SLC25A26: variants seen among roughly 807,000 people sequenced by gnomAD.
The protein encoded by SLC25A26 is solute carrier family 25 member 26, also known as mitochondrial S-adenosylmethionine carrier protein.
SLC25A26 carries 36 observed loss-of-function variants against 37.8 expected under a neutral mutation model. The observed-to-expected ratio is 0.95, with a 90% CI of 0.73 to 1.26. The LOEUF (loss-of-function observed/expected upper bound fraction) is 1.26. Among genes scored for constraint, SLC25A26 ranks in the 50% most tolerant of loss-of-function variants. SLC25A26 has a pLI of 0.00. For missense variants in SLC25A26, 390 were observed against 331.1 expected, an observed-to-expected ratio of 1.18 and a Z score of -1.38; for synonymous variants, 129 against 122.5, an observed-to-expected ratio of 1.05 and a Z score of -0.35.
chr3:66,228,029 C>G (rs1238049114), intron 1 of SLC25A26, among the ~76,000 whole-genome samples: 1 of 152,180 alleles, frequency 6.6e-6, no homozygotes, highest in Non-Finnish European at 1.5e-5. Flanking sequence ...TTATGCTTCT[C>G]TTTCTCAGGA....
chr3:66,304,246 C>A (rs1432163119), intron 5 of SLC25A26, among the ~76,000 whole-genome samples: 1 of 152,168 alleles, frequency 6.6e-6, no homozygotes, highest in Non-Finnish European at 1.5e-5. Flanking sequence ...ACGGTCCCAT[C>A]CACACTGGAT....
At chr3:66,211,664 G>GA (rs1275954694) in intron 1 of SLC25A26, among the ~76,000 whole-genome samples, 1 of 152,012 alleles carries the variant, frequency 6.6e-6, no homozygotes, top group Admixed American at 6.6e-5. Flanking sequence ...ATTAAAAATA[G>GA]AAAAAAAGTA....
chr3:66,300,296 A>G (rs1230048756), intron 5 of SLC25A26, among the ~76,000 whole-genome samples: 1 of 134,162 alleles, frequency 7.5e-6, no homozygotes, highest in Admixed American at 8.1e-5. Flanking sequence ...GAATTTAGCC[A>G]TTACCAATAT....
At chr3:66,286,577 CTTTA>C (rs2074520586) in intron 5 of SLC25A26, among the ~76,000 whole-genome samples, 1 of 151,986 alleles carries the variant, frequency 6.6e-6, no homozygotes, top group Non-Finnish European at 1.5e-5. Context: ...CAAGCAATGT[CTTTA>C]TTTTTCTTTA....
At chr3:66,186,635 G>A (rs1000220939) in intron 1 of SLC25A26, among the ~76,000 whole-genome samples, 6 of 151,846 alleles carry the variant, frequency 4.0e-5, no homozygotes, top group African/African-American at 1.4e-4. Context: ...AAAACAATTG[G>A]GACCCTCACC....
intron 5 of SLC25A26, among the ~76,000 whole-genome samples, chr3:66,265,032 G>A (rs1200615674): frequency 6.6e-6 from 1 of 152,268 alleles, no homozygotes; most frequent in Non-Finnish European, 1.5e-5. Flanking sequence ...CATGGTATGG[G>A]CCAGGCATGG....
chr3:66,275,483 T>C (rs563718455), intron 5 of SLC25A26, among the ~76,000 whole-genome samples: 2 of 152,208 alleles, frequency 1.3e-5, no homozygotes, highest in South Asian at 4.1e-4. Context: ...TCCCGTTTTG[T>C]TCCCTACTAT....
intron 1 of SLC25A26, among the ~76,000 whole-genome samples, chr3:66,189,304 C>A (rs911976553): frequency 0.36 from 54,788 of 151,468 alleles, 10,950 homozygotes; most frequent in East Asian, 0.57. Context: ...CTATCACTAA[C>A]CCCCTCACTG....
chr3:66,185,319 T>A (rs2070805036), intron 1 of SLC25A26, among the ~76,000 whole-genome samples: 1 of 152,228 alleles, frequency 6.6e-6, no homozygotes, highest in Non-Finnish European at 1.5e-5. Flanking sequence ...TAATATTCGG[T>A]ATATACCACA....
At chr3:66,313,543 T>C (rs1349865037) in intron 5 of SLC25A26, among the ~76,000 whole-genome samples, 1 of 152,194 alleles carries the variant, frequency 6.6e-6, no homozygotes, top group Non-Finnish European at 1.5e-5. Flanking sequence ...TATTTTGAAG[T>C]CCAGTAGCAT....
At chr3:66,315,638 G>C (rs2075517198) in intron 5 of SLC25A26, among the ~76,000 whole-genome samples, 1 of 152,110 alleles carries the variant, frequency 6.6e-6, no homozygotes, top group South Asian at 2.1e-4. Flanking sequence ...AGGTCCACTT[G>C]ATCCAGAGCT....
At chr3:66,149,827 C>A (rs2070173918) in intron 1 of SLC25A26, among the ~76,000 whole-genome samples, 1 of 152,154 alleles carries the variant, frequency 6.6e-6, no homozygotes, top group South Asian at 2.1e-4. Flanking sequence ...GTCTGAGGCA[C>A]ACTGCAAGTC....
At chr3:66,306,359 A>G (rs1344748629) in intron 5 of SLC25A26, among the ~76,000 whole-genome samples, 2 of 137,634 alleles carry the variant, frequency 1.5e-5, no homozygotes, top group Non-Finnish European at 3.0e-5. Flanking sequence ...TCATTTCTCT[A>G]ATCAGTGATG....
In SLC25A26 at chr3:66,344,085, C is replaced by G. The variant is rs538050877; in HGVS notation, c.454-2279C>G. 8.5e-5 allele frequency among the ~76,000 whole-genome samples: 13 copies of G among 152,310 alleles called. No homozygotes were observed. The East Asian group carries it at 2.5e-3, about 29-fold the overall frequency. On this transcript the variant is annotated intron_variant, in intron 5 of 9. Coordinates refer to ENST00000354883, the MANE Select transcript of SLC25A26 (RefSeq NM_001379210.1). ...CTTTTCTTCTCATTGACATTTCCTT[C>G]CTGAATGGTAGACAGATTTTCTTTC...
At chr3:66,273,351 G>A (rs1277035866) in intron 5 of SLC25A26, among the ~76,000 whole-genome samples, 1 of 152,126 alleles carries the variant, frequency 6.6e-6, no homozygotes, top group East Asian at 1.9e-4. Context: ...GATTGGAATA[G>A]TTTCAGAAGG....
intron 1 of SLC25A26, among the ~76,000 whole-genome samples, chr3:66,151,600 T>C (rs2070209872): frequency 6.6e-6 from 1 of 152,226 alleles, no homozygotes; most frequent in Non-Finnish European, 1.5e-5. Flanking sequence ...CTCTCTGTTC[T>C]TGTGGCAGCT....
At chr3:66,230,823 A>AC (rs1559594628) in intron 1 of SLC25A26, among the ~76,000 whole-genome samples, 2 of 149,798 alleles carry the variant, frequency 1.3e-5, no homozygotes, top group African/African-American at 2.5e-5. Flanking sequence ...AAAAAAACAA[A>AC]AAAAAACCAG....
chr3:66,350,377 GAT>G (rs1447100227), intron 6 of SLC25A26, among the ~76,000 whole-genome samples: 1 of 152,128 alleles, frequency 6.6e-6, no homozygotes, highest in Non-Finnish European at 1.5e-5. Context: ...TCAAGTCTCA[GAT>G]TAAAATTTGA....
chr3:66,373,070 C>T (rs754753279), intron 9 of SLC25A26, among the ~76,000 whole-genome samples: 3 of 152,200 alleles, frequency 2.0e-5, no homozygotes, highest in Admixed American at 6.5e-5. Flanking sequence ...ACAAACACCG[C>T]GTGTTCATTC....
Sources: gnomAD v4.1 joint callset for allele counts (sites outside exome capture counted in the v4.1 genomes callset) on GRCh38, gnomAD v4.1.1 for gene constraint, MANE v1.5 for transcripts, NCBI Gene and HGNC (gene_info 2026-07-23, HGNC 2026-07-21) for gene names.